The following PLTP variants were observed in gnomAD, a reference collection of about 807,000 sequenced individuals.
PLTP encodes the protein phospholipid transfer protein, also known as BPI fold containing family E.
PLTP carries 43 observed loss-of-function variants against 54.1 expected under a neutral mutation model. The ratio of observed to expected loss-of-function variants is 0.79; its 90% CI spans 0.62 to 1.02. PLTP has a LOEUF of 1.02. Ranked by LOEUF, PLTP falls within the 50% of genes least tolerant of loss-of-function variation. The probability of loss-of-function intolerance (pLI) is 0.00; values close to 1 mark genes in which losing one functional copy is unlikely to be tolerated. For synonymous variants in PLTP, 263 were observed against 264.6 expected (o/e 0.99, Z 0.06); for missense variants, 604 against 645.9 (o/e 0.94, Z 0.70).
rs11569634 is a variant in PLTP at position 45,910,679 on chromosome 20, T to C, written c.200+473A>G. ...CTCCCCTCCCACACCCTGGGGTTGC[T>C]ACACCCGGTCTTTTAATAGAGTCCG... On this transcript the variant is annotated intron_variant, in intron 3 of 15. Transcript: ENST00000372431. Among the ~76,000 whole-genome samples, 679 of 151,130 alleles carry C rather than the reference T, an allele frequency of 4.5e-3. 8 individuals carry two copies. Among genetic ancestry groups the C allele is most frequent in the African/African-American group, 0.016 (649 of 41,106 alleles).
At position 45,902,619 on chromosome 20, in the gene PLTP, G is replaced by T. The variant is rs749241378; in HGVS notation, c.943-15C>A. The T allele has an allele frequency of 1.9e-6, 3 of 1,585,362 alleles. No individual in the cohort carries two copies. The highest frequency in any genetic ancestry group is 2.6e-6 in the Non-Finnish European group (3 of 1,164,778). Reference sequence around the variant, plus strand: ...ACTGCTGGGCTCTGGGGGATGAGCAGCAGGGGCGGGTCAAGTCCCTGCCAT... The same window carrying T: ...ACTGCTGGGCTCTGGGGGATGAGCATCAGGGGCGGGTCAAGTCCCTGCCAT... On this transcript the variant is annotated splice_polypyrimidine_tract_variant and intron_variant, in intron 10 of 15. Transcript: ENST00000372431.
rs1221217757 is a variant in PLTP at position 45,910,017 on chromosome 20, T to C, written c.254A>G (p.Gln85Arg). Residue 85 changes from glutamine (Q) to arginine (R), a missense_variant, in exon 4 of 16, where the codon CAG (glutamine) becomes CGG (arginine). Coordinates refer to ENST00000372431, the MANE Select transcript of PLTP (RefSeq NM_006227.4). ...GGTGATTTGAAGCATCAGCTCCTGC[T>C]GTGGCTGGAAATCGAGCTCGGAAGA... is the stretch of plus-strand genomic sequence containing the variant. ...LTSSELDFQP[Q>R]QELMLQITNA... 3 of 1,614,138 alleles carry C rather than the reference T, an allele frequency of 1.9e-6. No homozygotes were observed. The East Asian group carries it at 6.7e-5, about 36-fold the overall frequency.
In PLTP at chr20:45,909,418, A is replaced by T. The variant is rs2083268956; in HGVS notation, c.485+98T>A. 3 of 1,333,014 alleles carry T rather than the reference A, an allele frequency of 2.3e-6. No individual in the cohort carries two copies. In the Admixed American group the frequency reaches 5.1e-5, roughly 23 times the overall value. 82.6% of individuals were successfully genotyped at this position (1,333,014 alleles called of 1,614,324 possible). On this transcript the variant is annotated intron_variant, in intron 5 of 15. Coordinates refer to ENST00000372431, the MANE Select transcript of PLTP (RefSeq NM_006227.4). ...AGTGACAGAGCTGAGCTTTGGACCC[A>T]GTTGGTCTGATTCCCAGGCCTATGC...
At position 45,905,135 on chromosome 20, in the gene PLTP, ACAGT is replaced by A; in HGVS notation, c.706-21_706-18del. 1.2e-6 allele frequency: 2 copies of A among 1,612,778 alleles called. No individual in the cohort carries two copies. Among genetic ancestry groups the A allele is most frequent in the Non-Finnish European group, 1.7e-6 (2 of 1,179,284 alleles). ...GAAGGCCCCCTGGGGTGGGGCATTC[ACAGT>A]CAGGGTCAAGGCAGACTGGCCTGGC... On this transcript the variant is annotated intron_variant, in intron 8 of 15. Transcript: ENST00000372431.
At chr20:45,907,547 G>T in intron 7 of PLTP, 145 bp downstream of exon 7, 1 of 759,638 alleles carries the variant, frequency 1.3e-6, no homozygotes, top group Non-Finnish European at 2.3e-6. Context: ...AGACAGAAAT[G>T]AGCACTTCAC....
chr20:45,898,946 C>A lies in PLTP; in HGVS notation c.1477G>T (p.Val493Phe). ...CCAGCTTGGGGATTGAGGGCTCAGA[C>A]AGCTGCTGTGGACGGTGTGGGGGCA... ...STAPTPSTAAV is the reference protein window; with the variant it reads ...STAPTPSTAAF Residue 493 changes from valine to phenylalanine, a missense_variant, in exon 16 of 16, where the codon GTC (valine) becomes TTC (phenylalanine). Val to Phe is a conservative substitution (Grantham distance 50, BLOSUM62 -1). Coordinates refer to ENST00000372431, the MANE Select transcript of PLTP (RefSeq NM_006227.4). The surrounding 1 kb of genome is among the most constrained non-coding windows in gnomAD (Gnocchi z 4.6). The A allele has an allele frequency of 6.2e-7, 1 of 1,614,004 alleles. No individual in the cohort carries two copies.
intron 2 of PLTP, 39 bp downstream of exon 2, chr20:45,911,314 G>T: frequency 6.2e-7 from 1 of 1,613,698 alleles, no homozygotes; most frequent in Non-Finnish European, 8.5e-7. Flanking sequence ...CCCCAACCCC[G>T]TCCGCTCCCG....
In PLTP at chr20:45,904,851, G is replaced by A. The variant is rs143905045; in HGVS notation, c.891C>T (p.His297=). Residue 297 remains histidine (H), a synonymous_variant, in exon 10 of 16, where the codon CAC becomes CAT. Coordinates refer to ENST00000372431, the MANE Select transcript of PLTP (RefSeq NM_006227.4). ...QLLLVGDKVP[H]DLDMLLRATY... ...TGGCCCTCAGCAGCATGTCCAGGTC[G>A]TGGGGCACCTGAACAGGGGAATCAG... The A allele has an allele frequency of 2.0e-4, 316 of 1,614,186 alleles. No homozygotes were observed. The highest frequency in any genetic ancestry group is 3.0e-4 in the Admixed American group (18 of 60,024).
chr20:45,907,737 G>A lies in PLTP; in HGVS notation c.568C>T (p.His190Tyr), dbSNP rs781736822. 1 of 1,613,832 alleles carries A rather than the reference G, an allele frequency of 6.2e-7. No individual in the cohort carries two copies. The highest frequency in any genetic ancestry group is 1.7e-5 in the Admixed American group (1 of 59,970). Residue 190 changes from histidine to tyrosine, a missense_variant, in exon 7 of 16, where the codon CAC (histidine) becomes TAC (tyrosine). His to Tyr is a moderately conservative substitution (Grantham distance 83). Coordinates refer to ENST00000372431, the MANE Select transcript of PLTP (RefSeq NM_006227.4). ...LNQQICPVLY[H>Y]AGTVLLNSLL... ...GAGTTGAGCAGGACCGTCCCTGCGT[G>A]GTAGAGGACAGGGCAGATCTGCGAG...
rs780844875 is a variant in PLTP, at chr20:45,909,922, T to A, written c.329+20A>T. 1.9e-6 allele frequency: 3 copies of A among 1,613,636 alleles called. No homozygotes were observed. Among genetic ancestry groups the A allele is most frequent in the African/African-American group, 2.7e-5 (2 of 74,902 alleles). ...CCTCCTGACCCACTCTCCACTCCCC[T>A]GAGGGTGCTGGGTCCTTACAAGAAC... On this transcript the variant is annotated intron_variant, in intron 4 of 15. Coordinates refer to ENST00000372431, the MANE Select transcript of PLTP (RefSeq NM_006227.4).
intron 3 of PLTP, 147 bp from the exon 4 acceptor site, chr20:45,910,217 A>AGTCC: frequency 1.1e-6 from 1 of 874,168 alleles, no homozygotes; most frequent in Non-Finnish European, 1.8e-6. Flanking sequence ...CAAGTGCCCA[A>AGTCC]CTTAGACTTG....
At chr20:45,900,722 T>G (rs2083177097) in intron 12 of PLTP, among the ~76,000 whole-genome samples, 1 of 152,060 alleles carries the variant, frequency 6.6e-6, no homozygotes, top group African/African-American at 2.4e-5. Context: ...AGAGACAGGA[T>G]CTCACTTTGT....
intron 3 of PLTP, among the ~76,000 whole-genome samples, chr20:45,910,475 C>A (rs2083279631): frequency 6.6e-6 from 1 of 151,916 alleles, no homozygotes; most frequent in African/African-American, 2.4e-5. Flanking sequence ...CTTAGCAGAC[C>A]GTGGTGGCAC....
In PLTP at chr20:45,907,775, G is replaced by A; in HGVS notation, c.550-20C>T. On this transcript the variant is annotated intron_variant, in intron 6 of 15. Coordinates refer to ENST00000372431, the MANE Select transcript of PLTP (RefSeq NM_006227.4). ...GCAGATCTGCGAGGTGGGAGCCAGAGTCAGGGCCTTCTCAAAGTGAGAGCA... is the reference window on the plus strand; with the variant it reads ...GCAGATCTGCGAGGTGGGAGCCAGAATCAGGGCCTTCTCAAAGTGAGAGCA... The A allele has an allele frequency of 6.2e-7, 1 of 1,612,608 alleles. No individual in the cohort carries two copies.
chr20:45,909,777 C>T, intron 4 of PLTP, 106 bp from the exon 5 acceptor site: 1 of 1,438,444 alleles, frequency 7.0e-7, no homozygotes, highest in Admixed American at 1.7e-5. Flanking sequence ...TTCCACACAT[C>T]CTACCAAACC....
intron 15 of PLTP, 135 bp downstream of exon 15, chr20:45,899,327 G>C (rs564536564): frequency 2.0e-6 from 2 of 994,822 alleles, no homozygotes; most frequent in South Asian, 2.7e-5. Context: ...TGTGTGCAAC[G>C]GCTTTTAGGA....
intron 7 of PLTP, among the ~76,000 whole-genome samples, chr20:45,906,890 CAA>C (rs746783296): frequency 0.012 from 483 of 41,022 alleles, 12 homozygotes; most frequent in African/African-American, 0.029. Flanking sequence ...GACTCCATCT[CAA>C]AAAAAAAAAA....
In PLTP at chr20:45,898,727, G is replaced by C. The variant is rs1601151499; in HGVS notation, c.*214C>G. ...TTATGATGCACTGATTCCATCCCAG[G>C]AACCCAACAGAGCTCAGGACAGCCC... On this transcript the variant is annotated 3_prime_UTR_variant, in exon 16 of 16. Transcript: ENST00000372431. The surrounding 1 kb of genome is among the most constrained non-coding windows in gnomAD (Gnocchi z 4.6). 4.4e-6 allele frequency: 3 copies of C among 675,526 alleles called. No homozygotes were observed. The highest frequency in any genetic ancestry group is 3.6e-5 in the African/African-American group (2 of 55,628). 41.8% of individuals were successfully genotyped at this position (675,526 alleles called of 1,614,324 possible).
At chr20:45,908,679 G>A (rs1216419522) in intron 5 of PLTP, among the ~76,000 whole-genome samples, 3 of 152,032 alleles carry the variant, frequency 2.0e-5, no homozygotes, top group African/African-American at 7.2e-5. Context: ...GTGCATGCCT[G>A]TAGTCCCAGC....
Sources: allele counts gnomAD v4.1 joint callset (sites outside exome capture counted in the v4.1 genomes callset), GRCh38; gene constraint gnomAD v4.1.1; non-coding constraint Gnocchi (gnomAD v3.1); transcripts MANE v1.5; gene names NCBI Gene and HGNC (gene_info 2026-07-23, HGNC 2026-07-21).